Variants in SLC15A1 observed in about 807,000 individuals in gnomAD.
The protein encoded by SLC15A1 is solute carrier family 15 member 1, also known as Caco-2 oligopeptide transporter.
In SLC15A1, 83 loss-of-function variants were observed where a neutral mutation model predicts 92.9. The ratio of observed to expected loss-of-function variants is 0.89; its 90% confidence interval spans 0.75 to 1.07. SLC15A1 has a LOEUF of 1.07. Ranked by LOEUF, SLC15A1 falls within the 50% of genes least tolerant of loss-of-function variation. SLC15A1 has a pLI of 0.00. For synonymous variants in SLC15A1, 322 were observed against 318.2 expected (o/e 1.01, Z -0.13); for missense variants, 857 against 880.1 (o/e 0.97, Z 0.33).
chr13:98,705,893 TAAAA>T (rs58621986), intron 16 of SLC15A1, among the ~76,000 whole-genome samples: 25 of 142,976 alleles, frequency 1.7e-4, no homozygotes, highest in Admixed American at 2.8e-4. Context: ...AGACTCCATC[TAAAA>T]AAAAAAAAAA....
At position 98,684,795 on chromosome 13, in the gene SLC15A1, C is replaced by A; in HGVS notation, c.2056G>T (p.Glu686Ter). Reference protein sequence around the residue: ...AEIEAQFDEDEKKNRLEKSNP... With the variant: ...AEIEAQFDED Reference sequence around the variant, plus strand: ...CTCTTTTCCAGTCTGTTTTTCTTTTCATCCTCATCAAATTGAGCTTCGATC... The same window carrying A: ...CTCTTTTCCAGTCTGTTTTTCTTTTAATCCTCATCAAATTGAGCTTCGATC... Residue 686 changes from glutamate (E) to a stop codon, truncating the protein, a stop_gained, in exon 23 of 23, where the codon GAA (glutamate) becomes TAA (stop). Transcript: ENST00000376503. LOFTEE classifies it low-confidence loss of function (END_TRUNC). The A allele has an allele frequency of 1.2e-6, 2 of 1,614,034 alleles. No homozygotes were observed. The highest frequency in any genetic ancestry group is 1.7e-6 in the Non-Finnish European group (2 of 1,180,010).
intron 1 of SLC15A1, among the ~76,000 whole-genome samples, chr13:98,751,300 T>A (rs2088544510): frequency 6.6e-6 from 1 of 152,242 alleles, no homozygotes; most frequent in Admixed American, 6.5e-5. Flanking sequence ...GCTTCAAATC[T>A]AACTCTGTAT....
At chr13:98,721,063 A>T (rs915553302) in intron 7 of SLC15A1, 1 of 460,596 alleles carries the variant, frequency 2.2e-6, no homozygotes, top group African/African-American at 2.0e-5. Context: ...AAACAAAACA[A>T]AACAAACAAA....
intron 4 of SLC15A1, among the ~76,000 whole-genome samples, chr13:98,724,511 A>T (rs2088283556): frequency 6.6e-6 from 1 of 152,186 alleles, no homozygotes; most frequent in Admixed American, 6.5e-5. Flanking sequence ...CTCTTAAAAA[A>T]AAATTAACAA....
chr13:98,739,545 T>C (rs1177855338), intron 1 of SLC15A1, among the ~76,000 whole-genome samples: 1 of 152,158 alleles, frequency 6.6e-6, no homozygotes, highest in Non-Finnish European at 1.5e-5. Context: ...TCTGGTTGTT[T>C]AAAAGTATGT....
chr13:98,706,346 G>C, intron 15 of SLC15A1, 93 bp from the exon 16 acceptor site: 1 of 1,453,390 alleles, frequency 6.9e-7, no homozygotes. Flanking sequence ...CCTCCAGCTG[G>C]GAAAAGCTGC....
intron 1 of SLC15A1, among the ~76,000 whole-genome samples, chr13:98,728,349 T>A (rs756319808): frequency 3.9e-5 from 6 of 152,208 alleles, no homozygotes; most frequent in African/African-American, 1.2e-4. Context: ...TTGTTGTATA[T>A]GAATTTTAGG....
At chr13:98,716,997 C>G (rs2088216033) in intron 8 of SLC15A1, among the ~76,000 whole-genome samples, 1 of 152,082 alleles carries the variant, frequency 6.6e-6, no homozygotes, top group African/African-American at 2.4e-5. Context: ...GCAGCCTGGG[C>G]AACATAATGA....
intron 18 of SLC15A1, among the ~76,000 whole-genome samples, chr13:98,690,791 G>A (rs542797329): frequency 4.6e-5 from 7 of 152,248 alleles, no homozygotes; most frequent in East Asian, 1.9e-4. Flanking sequence ...CCTGTGCAAC[G>A]TTGGCTGCAC....
At chr13:98,737,019 T>C (rs906215234) in intron 1 of SLC15A1, among the ~76,000 whole-genome samples, 34 of 152,200 alleles carry the variant, frequency 2.2e-4, no homozygotes, top group Non-Finnish European at 3.8e-4. Context: ...TTATAAATCA[T>C]GCTACTATAA....
At chr13:98,685,278 C>T (rs2185207) in intron 22 of SLC15A1, among the ~76,000 whole-genome samples, 10,296 of 152,230 alleles carry the variant, frequency 0.068, 790 homozygotes, top group African/African-American at 0.19. Context: ...AATGAATATG[C>T]TGAACTCCAG....
At chr13:98,716,448 C>A in intron 8 of SLC15A1, among the ~76,000 whole-genome samples, 1 of 152,144 alleles carries the variant, frequency 6.6e-6, no homozygotes, top group African/African-American at 2.4e-5. Flanking sequence ...ATGGTGAAAA[C>A]CCGTCTCTAC....
chr13:98,702,638 G>GTT, intron 17 of SLC15A1, 109 bp from the exon 18 acceptor site: 1 of 876,872 alleles, frequency 1.1e-6, no homozygotes. Context: ...CTTATCCTAG[G>GTT]ACCTAAGGAC....
chr13:98,744,748 CAAAAAAAAA>C lies in SLC15A1; in HGVS notation c.4+7838_4+7846del, dbSNP rs5806073. Among the ~76,000 whole-genome samples, 47 of 82,412 alleles carry C rather than the reference CAAAAAAAAA, an allele frequency of 5.7e-4. 1 individual carries two copies. In the Admixed American group the frequency reaches 6.1e-3, roughly 11 times the overall value. The allele number at this position is 82,412 out of a possible 152,430, so 54.1% of individuals were successfully genotyped here. On this transcript the variant is annotated intron_variant, in intron 1 of 22. Transcript: ENST00000376503. ...TGGGCGACAGAGCAAGATTCCATCT[CAAAAAAAAA>C]AAAAAAAAAAAAAAAGGCAAAAACC...
Position 98,704,406 on chromosome 13 carries a change from G to C in SLC15A1, c.1299C>G (p.Asn433Lys), listed in dbSNP as rs774397744. ...QTNAFMTFDV[N>K]KLTRINISSP... ...AAGAAATGTTTATCCTTGTCAGTTT[G>C]TTTACATCAAAAGTCATAAATGCAT... is the stretch of plus-strand genomic sequence containing the variant. The change falls in exon 17 of 23, where the codon AAC becomes AAG. Residue 433 changes from asparagine to lysine, a missense_variant. Physicochemically the swap from Asn to Lys is moderately conservative, Grantham distance 94. Transcript: ENST00000376503. The C allele has an allele frequency of 6.2e-7, 1 of 1,613,648 alleles. No individual in the cohort carries two copies. Among genetic ancestry groups the C allele is most frequent in the African/African-American group, 1.3e-5 (1 of 74,858 alleles).
chr13:98,717,138 C>T (rs2088216958), intron 8 of SLC15A1, among the ~76,000 whole-genome samples: 1 of 152,136 alleles, frequency 6.6e-6, no homozygotes, highest in South Asian at 2.1e-4. Flanking sequence ...TTTAAAAACA[C>T]CGATAGCTTG....
chr13:98,687,267 G>A (rs1172598890), intron 21 of SLC15A1, among the ~76,000 whole-genome samples: 1 of 152,172 alleles, frequency 6.6e-6, no homozygotes, highest in Non-Finnish European at 1.5e-5. Context: ...GGTTGTTTCA[G>A]AAAGGAGAAT....
intron 7 of SLC15A1, 31 bp downstream of exon 7, chr13:98,721,464 C>A: frequency 6.6e-7 from 1 of 1,512,270 alleles, no homozygotes; most frequent in Non-Finnish European, 9.2e-7. Flanking sequence ...TAAAAAAAGA[C>A]CAACAGAAGT....
chr13:98,739,358 A>C (rs1213377092), intron 1 of SLC15A1, among the ~76,000 whole-genome samples: 1 of 152,210 alleles, frequency 6.6e-6, no homozygotes, highest in East Asian at 1.9e-4. Context: ...TGGGGAGGCC[A>C]GGGGGAATGA....
Sources: gnomAD v4.1 joint callset for allele counts (sites outside exome capture counted in the v4.1 genomes callset) on GRCh38, gnomAD v4.1.1 for gene constraint, MANE v1.5 for transcripts, NCBI Gene and HGNC (gene_info 2026-07-23, HGNC 2026-07-21) for gene names.